AUTS2: variants seen among roughly 807,000 people sequenced by gnomAD.
AUTS2 encodes the protein activator of transcription and developmental regulator AUTS2, also known as autism susceptibility gene 2 protein.
A neutral mutation model predicts 112.4 loss-of-function variants in AUTS2; 17 were observed. The observed-to-expected ratio is 0.15, with a 90% confidence interval of 0.10 to 0.23. AUTS2 has a LOEUF of 0.23. Ranked by LOEUF, AUTS2 falls within the 10% of genes least tolerant of loss-of-function variation. The pLI, the probability that AUTS2 is intolerant of heterozygous loss-of-function variation, is 1.00. For synonymous variants in AUTS2, 751 were observed against 702.7 expected, an observed-to-expected ratio of 1.07 and a Z score of -1.09; for missense variants, 1,510 against 1,701.6, an observed-to-expected ratio of 0.89 and a Z score of 1.98.
At chr7:70,081,457 A>C (rs1402945806) in intron 2 of AUTS2, among the ~76,000 whole-genome samples, 1 of 150,482 alleles carries the variant, frequency 6.6e-6, no homozygotes, top group Non-Finnish European at 1.5e-5. Flanking sequence ...GCTGCTCAGG[A>C]GGCTGAGTCA....
At chr7:69,681,933 T>C (rs1044281641) in intron 1 of AUTS2, among the ~76,000 whole-genome samples, 1 of 152,194 alleles carries the variant, frequency 6.6e-6, no homozygotes, top group Non-Finnish European at 1.5e-5. Context: ...TGGGTTCAAA[T>C]CCTCCATTTA....
At chr7:70,245,131 AAAGTGTGTGTGT>A (rs1221919200) in intron 4 of AUTS2, among the ~76,000 whole-genome samples, 2 of 71,060 alleles carry the variant, frequency 2.8e-5, no homozygotes, top group African/African-American at 1.1e-4. Flanking sequence ...AAAAAAAAAA[AAAGTGTGTGTGT>A]GTATATATAT....
rs1218715341 is a variant in AUTS2 at position 69,767,265 on chromosome 7, G to A, written c.310-132021G>A. Among the ~76,000 whole-genome samples, 3 of 148,564 alleles carry A rather than the reference G, an allele frequency of 2.0e-5. No individual in the cohort carries two copies. The South Asian group carries it at 6.5e-4, about 32-fold the overall frequency. The stretch of plus-strand genomic sequence containing the variant: ...CGTGATCATGGCTCACTGCAGCCTC[G>A]ACCTGCTAGGCTCAAGTGATCCTCC... On this transcript the variant is annotated intron_variant, in intron 1 of 18. Coordinates refer to ENST00000342771, the MANE Select transcript of AUTS2 (RefSeq NM_015570.4).
intron 3 of AUTS2, among the ~76,000 whole-genome samples, chr7:70,126,319 G>T (rs1017833796): frequency 6.6e-6 from 1 of 152,170 alleles, no homozygotes. Flanking sequence ...TGAGGCAGGA[G>T]AATAGCTTGA....
chr7:70,129,901 TTGTGTG>T (rs34163076), intron 3 of AUTS2, among the ~76,000 whole-genome samples: 11 of 147,308 alleles, frequency 7.5e-5, no homozygotes, highest in Admixed American at 5.4e-4. Flanking sequence ...TATATATATA[TTGTGTG>T]TGTGTGTGTG....
chr7:70,599,409 A>G (rs1803362852), intron 5 of AUTS2, among the ~76,000 whole-genome samples: 1 of 152,158 alleles, frequency 6.6e-6, no homozygotes, highest in Admixed American at 6.5e-5. Flanking sequence ...TCTCCTCATT[A>G]TGGAGCTGGA....
intron 2 of AUTS2, among the ~76,000 whole-genome samples, chr7:70,093,158 T>C (rs926999556): frequency 4.3e-4 from 65 of 152,300 alleles, no homozygotes; most frequent in African/African-American, 1.5e-3. Context: ...ATCCCATGAT[T>C]CGTAGCCCGT....
chr7:70,137,953 G>A (rs1373284795), intron 4 of AUTS2, among the ~76,000 whole-genome samples: 3 of 152,138 alleles, frequency 2.0e-5, no homozygotes, highest in African/African-American at 7.2e-5. Flanking sequence ...CATTTTTTCT[G>A]TATGTGAACA....
At chr7:70,506,018 C>T (rs1798945938) in intron 5 of AUTS2, among the ~76,000 whole-genome samples, 1 of 152,230 alleles carries the variant, frequency 6.6e-6, no homozygotes, top group Non-Finnish European at 1.5e-5. Flanking sequence ...GTGATGCCTC[C>T]TCCTGGTTTG....
intron 4 of AUTS2, among the ~76,000 whole-genome samples, chr7:70,175,798 G>C (rs916375661): frequency 6.6e-6 from 1 of 152,096 alleles, no homozygotes; most frequent in African/African-American, 2.4e-5. Context: ...TAGACATAAT[G>C]CTATTATACA....
intron 1 of AUTS2, among the ~76,000 whole-genome samples, chr7:69,695,343 A>T (rs1016121862): frequency 2.4e-4 from 37 of 152,190 alleles, no homozygotes; most frequent in African/African-American, 5.8e-4. Context: ...AAGAAAAAAA[A>T]TTTTTTTAAA....
intron 2 of AUTS2, among the ~76,000 whole-genome samples, chr7:70,117,154 A>G (rs1282732547): frequency 9.7e-6 from 1 of 103,528 alleles, no homozygotes; most frequent in African/African-American, 3.9e-5. Context: ...TTTTTGGTGT[A>G]GTACCATATC....
intron 4 of AUTS2, among the ~76,000 whole-genome samples, chr7:70,270,658 G>A (rs1787646992): frequency 6.6e-6 from 1 of 152,118 alleles, no homozygotes; most frequent in African/African-American, 2.4e-5. Context: ...ATCTTGGAGA[G>A]GGGTTCAAGA....
intron 6 of AUTS2, among the ~76,000 whole-genome samples, chr7:70,725,806 C>T (rs1786992049): frequency 6.6e-6 from 1 of 152,172 alleles, no homozygotes; most frequent in Non-Finnish European, 1.5e-5. Flanking sequence ...ATAGACAGTG[C>T]TGTCCTTAAT....
intron 1 of AUTS2, among the ~76,000 whole-genome samples, chr7:69,814,585 C>G (rs1463833047): frequency 1.3e-5 from 2 of 152,380 alleles, no homozygotes; most frequent in South Asian, 4.1e-4. Context: ...TGGAGCCGCT[C>G]TAACCCAGTG....
chr7:69,830,816 A>T (rs1282652953), intron 1 of AUTS2, among the ~76,000 whole-genome samples: 1 of 152,230 alleles, frequency 6.6e-6, no homozygotes, highest in Non-Finnish European at 1.5e-5. Flanking sequence ...GGAATTTAGA[A>T]TTGTAGATCA....
intron 5 of AUTS2, among the ~76,000 whole-genome samples, chr7:70,600,394 G>A (rs924009428): frequency 1.3e-5 from 2 of 152,056 alleles, no homozygotes; most frequent in Non-Finnish European, 2.9e-5. Flanking sequence ...TCTCGCCTCA[G>A]CCTCCCGAGT....
rs200693981 is a variant in AUTS2, at chr7:70,171,902, T to G, written c.660+37331T>G. Among the ~76,000 whole-genome samples, 554 of 139,110 alleles carry G rather than the reference T, an allele frequency of 4.0e-3. 6 individuals are homozygous for G. Among genetic ancestry groups the G allele is most frequent in the East Asian group, 0.027 (125 of 4,602 alleles). The allele number at this position is 139,110 out of a possible 152,430, so 91.3% of individuals were successfully genotyped here. A position where few individuals can be genotyped will look rare whatever the true frequency, so the allele number is the denominator to read the frequency against. The stretch of plus-strand genomic sequence containing the variant: ...GTCTTTATTATAAACAAGTTTTTTT[T>G]TTTGGGGGGGGGTAGTTTTTCCCTC... On this transcript the variant is annotated intron_variant, in intron 4 of 18. Transcript: ENST00000342771.
chr7:69,732,105 G>A (rs1786822827), intron 1 of AUTS2, among the ~76,000 whole-genome samples: 1 of 151,976 alleles, frequency 6.6e-6, no homozygotes, highest in African/African-American at 2.4e-5. Context: ...TAACTTTAGT[G>A]TCACAATACC....
Sources: gnomAD v4.1 joint callset for allele counts (sites outside exome capture counted in the v4.1 genomes callset) on GRCh38, gnomAD v4.1.1 for gene constraint, MANE v1.5 for transcripts, NCBI Gene and HGNC (gene_info 2026-07-23, HGNC 2026-07-21) for gene names.